Variants in PTPRE observed in about 807,000 individuals in gnomAD.
The protein encoded by PTPRE is receptor-type tyrosine-protein phosphatase epsilon.
PTPRE carries 51 observed loss-of-function variants against 102.0 expected under a neutral mutation model. The observed-to-expected ratio is 0.50, with a 90% CI of 0.40 to 0.63. The LOEUF (loss-of-function observed/expected upper bound fraction) is 0.63. Ranked by LOEUF, PTPRE falls within the 30% of genes least tolerant of loss-of-function variation. The pLI is 0.00. For synonymous variants in PTPRE, 345 were observed against 348.2 expected (o/e 0.99, Z 0.10); for missense variants, 752 against 915.1 (o/e 0.82, Z 2.30).
intron 11 of PTPRE, among the ~76,000 whole-genome samples, chr10:128,067,537 T>G (rs1850365853): frequency 6.6e-6 from 1 of 151,790 alleles, no homozygotes; most frequent in Admixed American, 6.5e-5. Flanking sequence ...CACATACACA[T>G]GCATACATGT....
chr10:127,999,966 G>A, intron 2 of PTPRE: 10 of 985,374 alleles, frequency 1.0e-5, no homozygotes, highest in Non-Finnish European at 1.1e-5. Flanking sequence ...TGCTCTGTAA[G>A]TATCCATGGA....
intron 2 of PTPRE, among the ~76,000 whole-genome samples, chr10:128,004,753 T>A (rs1293137574): frequency 2.0e-5 from 3 of 152,226 alleles, no homozygotes; most frequent in Admixed American, 2.0e-4. Flanking sequence ...TTCTTTTGGA[T>A]ATATACCTAG....
intron 6 of PTPRE, among the ~76,000 whole-genome samples, chr10:128,055,705 A>G (rs1590161664): frequency 1.3e-5 from 2 of 151,964 alleles, no homozygotes; most frequent in South Asian, 4.1e-4. Context: ...ATCCCGCTGT[A>G]AACCCTCCGC....
chr10:128,004,378 C>G (rs1854298448), intron 2 of PTPRE, among the ~76,000 whole-genome samples: 1 of 152,048 alleles, frequency 6.6e-6, no homozygotes, highest in Non-Finnish European at 1.5e-5. Context: ...TTTTCATCAT[C>G]CAAAATGAAA....
Position 128,008,099 on chromosome 10 carries a change from C to T in PTPRE, c.-8+25803C>T, listed in dbSNP as rs916491386. On this transcript the variant is annotated intron_variant, in intron 2 of 20. Coordinates refer to ENST00000254667, the MANE Select transcript of PTPRE (RefSeq NM_006504.6). This position sits in a 1 kb window ranked among gnomAD's most constrained non-coding sequence, Gnocchi z 4.0. ...CTCACCACTGGGGAGGCACAGGAGG[C>T]ACCACGCCACGTGTGCCTGTCTGCA... Among the ~76,000 whole-genome samples, 1 of 152,200 alleles carries T rather than the reference C, an allele frequency of 6.6e-6. No individual in the cohort carries two copies. The highest frequency in any genetic ancestry group is 1.9e-4 in the East Asian group (1 of 5,190).
chr10:128,058,351 G>A (rs566457550), intron 7 of PTPRE, among the ~76,000 whole-genome samples: 12 of 152,376 alleles, frequency 7.9e-5, no homozygotes, highest in African/African-American at 2.2e-4. Flanking sequence ...GCTGGAGTCA[G>A]TTGGCATTTC....
intron 7 of PTPRE, among the ~76,000 whole-genome samples, chr10:128,056,974 G>A (rs2135915309): frequency 6.6e-6 from 1 of 152,246 alleles, no homozygotes; most frequent in East Asian, 1.9e-4. Context: ...CCAGCACTCT[G>A]GGAGGCCGAG....
intron 12 of PTPRE, 28 bp from the exon 13 acceptor site, chr10:128,069,664 G>T: frequency 6.2e-7 from 1 of 1,612,798 alleles, no homozygotes; most frequent in South Asian, 1.1e-5. Flanking sequence ...TGTGACTCAC[G>T]ACGCAGCATC....
chr10:127,956,477 T>C (rs922474551), intron 1 of PTPRE, among the ~76,000 whole-genome samples: 4 of 152,244 alleles, frequency 2.6e-5, no homozygotes, highest in African/African-American at 4.8e-5. Context: ...TCCTGACTAA[T>C]ACAGACATCT....
intron 2 of PTPRE, among the ~76,000 whole-genome samples, chr10:128,030,491 C>T (rs1304114952): frequency 6.6e-6 from 1 of 152,098 alleles, no homozygotes; most frequent in East Asian, 1.9e-4. Context: ...GTGGCCCGGG[C>T]CCTTCAGAAA....
intron 15 of PTPRE, chr10:128,071,272 C>T (rs574178416): frequency 2.8e-4 from 79 of 286,432 alleles, no homozygotes; most frequent in African/African-American, 1.5e-3. Context: ...GGCAGAGGCC[C>T]GCCTCCCCCT....
At chr10:128,078,303 C>A (rs924254361) in intron 19 of PTPRE, among the ~76,000 whole-genome samples, 1 of 152,224 alleles carries the variant, frequency 6.6e-6, no homozygotes, top group African/African-American at 2.4e-5. Context: ...ACACCCTGGG[C>A]AGGTGGGACA....
intron 2 of PTPRE, among the ~76,000 whole-genome samples, chr10:128,035,503 T>A (rs1448619902): frequency 1.3e-5 from 2 of 152,202 alleles, no homozygotes; most frequent in Admixed American, 1.3e-4. Flanking sequence ...TGGGACCCAT[T>A]CCAGGGGCTC....
intron 8 of PTPRE, 95 bp downstream of exon 8, chr10:128,061,110 C>G (rs531934428): frequency 8.0e-6 from 10 of 1,255,056 alleles, no homozygotes; most frequent in South Asian, 1.2e-5. Context: ...ATTGTCACAA[C>G]CTTTCTGGGC....
chr10:128,061,612 A>C, intron 8 of PTPRE, 67 bp from the exon 9 acceptor site: 1 of 1,534,814 alleles, frequency 6.5e-7, no homozygotes, highest in Non-Finnish European at 8.8e-7. Context: ...TCCTAACAGC[A>C]ACACCAACAA....
intron 2 of PTPRE, among the ~76,000 whole-genome samples, chr10:127,993,028 GA>G (rs1346115758): frequency 6.6e-6 from 1 of 152,114 alleles, no homozygotes; most frequent in Non-Finnish European, 1.5e-5. Context: ...TGGGATATCT[GA>G]AAAAGTTTGA....
chr10:128,012,726 G>C (rs1295685200), intron 2 of PTPRE, among the ~76,000 whole-genome samples: 1 of 152,104 alleles, frequency 6.6e-6, no homozygotes, highest in Non-Finnish European at 1.5e-5. Context: ...CAAATACAAG[G>C]ATTCCAGTAA....
chr10:128,067,206 CCA>C (rs746277104), intron 11 of PTPRE, among the ~76,000 whole-genome samples: 5 of 113,608 alleles, frequency 4.4e-5, no homozygotes, highest in Non-Finnish European at 7.5e-5. Context: ...ACACATACAC[CCA>C]CACACATTCA....
intron 1 of PTPRE, among the ~76,000 whole-genome samples, chr10:127,943,281 T>C (rs905404061): frequency 3.9e-5 from 6 of 152,174 alleles, no homozygotes; most frequent in African/African-American, 1.4e-4. Flanking sequence ...TCAAGATGAT[T>C]TTTAAAATTA....
Sources: gnomAD v4.1 joint callset for allele counts (sites outside exome capture counted in the v4.1 genomes callset) on GRCh38, gnomAD v4.1.1 for gene constraint, Gnocchi (gnomAD v3.1) non-coding constraint, MANE v1.5 for transcripts, NCBI Gene and HGNC (gene_info 2026-07-23, HGNC 2026-07-21) for gene names.